The following CNTNAP2 variants were observed in gnomAD, a reference collection of about 807,000 sequenced individuals.
The protein encoded by CNTNAP2 is contactin-associated protein-like 2.
Under a neutral mutation model 155.2 loss-of-function variants are expected in CNTNAP2, and 98 were observed. That is an observed-to-expected ratio of 0.63 (90% CI 0.54 to 0.75). The LOEUF (loss-of-function observed/expected upper bound fraction) is 0.75. Ranked by LOEUF, CNTNAP2 falls within the 30% of genes least tolerant of loss-of-function variation. The probability of loss-of-function intolerance (pLI) is 0.00; values close to 1 mark genes in which losing one functional copy is unlikely to be tolerated. For missense variants in CNTNAP2, 1,727 were observed against 1,688.1 expected, an observed-to-expected ratio of 1.02 and a Z score of -0.40; for synonymous variants, 651 against 631.2, an observed-to-expected ratio of 1.03 and a Z score of -0.47.
At chr7:146,352,806 G>T (rs1218510221) in intron 1 of CNTNAP2, among the ~76,000 whole-genome samples, 1 of 127,920 alleles carries the variant, frequency 7.8e-6, no homozygotes, top group Non-Finnish European at 1.5e-5. Context: ...CCAGGCTGGA[G>T]TTCAGTGGTG....
intron 3 of CNTNAP2, among the ~76,000 whole-genome samples, chr7:146,951,258 G>A (rs928329793): frequency 6.6e-6 from 1 of 152,122 alleles, no homozygotes; most frequent in Admixed American, 6.6e-5. Flanking sequence ...TGTTCACTCT[G>A]ATGATAGTTT....
chr7:148,100,133 G>C (rs1804065932), intron 15 of CNTNAP2, among the ~76,000 whole-genome samples: 1 of 151,804 alleles, frequency 6.6e-6, no homozygotes, highest in Non-Finnish European at 1.5e-5. Context: ...GCCTCCCAAA[G>C]TGCTGGGATT....
intron 14 of CNTNAP2, among the ~76,000 whole-genome samples, chr7:147,962,753 T>C (rs922823408): frequency 6.6e-6 from 1 of 152,206 alleles, no homozygotes; most frequent in Non-Finnish European, 1.5e-5. Context: ...TATAGTCCAT[T>C]AATTTGTTTA....
chr7:146,630,315 A>G (rs1011631975), intron 1 of CNTNAP2, among the ~76,000 whole-genome samples: 3 of 152,036 alleles, frequency 2.0e-5, no homozygotes, highest in African/African-American at 7.2e-5. Flanking sequence ...ACATGAACTC[A>G]TCCTTTTTTA....
intron 12 of CNTNAP2, among the ~76,000 whole-genome samples, chr7:147,583,275 CA>C (rs1362609731): frequency 2.0e-5 from 3 of 151,910 alleles, no homozygotes; most frequent in Non-Finnish European, 2.9e-5. Flanking sequence ...GGCTTAGAAT[CA>C]GCATGAAAGG....
chr7:147,666,845 G>A (rs1022706191), intron 13 of CNTNAP2, among the ~76,000 whole-genome samples: 2 of 152,184 alleles, frequency 1.3e-5, no homozygotes, highest in Admixed American at 6.5e-5. Context: ...AGTCAGGTCT[G>A]TCCCATTCCA....
intron 12 of CNTNAP2, among the ~76,000 whole-genome samples, chr7:147,567,332 G>C (rs1050167858): frequency 2.0e-5 from 3 of 152,160 alleles, no homozygotes; most frequent in Non-Finnish European, 4.4e-5. Context: ...CTTTGTGTAG[G>C]ATGCAAAGCA....
At chr7:148,249,058 G>T (rs1451599473) in intron 20 of CNTNAP2, among the ~76,000 whole-genome samples, 1 of 152,084 alleles carries the variant, frequency 6.6e-6, no homozygotes, top group Non-Finnish European at 1.5e-5. Flanking sequence ...TTTTAAAATT[G>T]GATTGTTTGC....
intron 8 of CNTNAP2, among the ~76,000 whole-genome samples, chr7:147,181,895 G>A (rs141764657): frequency 0.036 from 5,455 of 152,126 alleles, 140 homozygotes; most frequent in Non-Finnish European, 0.057. Context: ...GGGAGGCCGA[G>A]GTGGGTGGAT....
At chr7:148,324,873 A>T (rs1046028293) in intron 21 of CNTNAP2, among the ~76,000 whole-genome samples, 3 of 151,988 alleles carry the variant, frequency 2.0e-5, no homozygotes, top group Admixed American at 6.6e-5. Flanking sequence ...TGTCAGACAC[A>T]TAGGACATGT....
At chr7:146,415,674 C>G (rs950765501) in intron 1 of CNTNAP2, among the ~76,000 whole-genome samples, 2 of 151,792 alleles carry the variant, frequency 1.3e-5, no homozygotes, top group Admixed American at 1.3e-4. Context: ...ATCTCTACAT[C>G]TTATCTTCCT....
intron 16 of CNTNAP2, among the ~76,000 whole-genome samples, chr7:148,138,052 C>T (rs1804995092): frequency 6.6e-6 from 1 of 152,160 alleles, no homozygotes; most frequent in Non-Finnish European, 1.5e-5. Flanking sequence ...AAAAATACTA[C>T]CTGTGATACA....
intron 1 of CNTNAP2, among the ~76,000 whole-genome samples, chr7:146,711,762 CATATATAGTATACACATCTTATGTATACA>C (rs1801079606): frequency 7.1e-6 from 1 of 140,134 alleles, no homozygotes; most frequent in Non-Finnish European, 1.6e-5. Context: ...CTTATGTATA[CATATATAGTATACACATCTTATGTATACA>C]TATATAGTAT....
intron 8 of CNTNAP2, among the ~76,000 whole-genome samples, chr7:147,169,855 G>A (rs1245704287): frequency 6.6e-6 from 1 of 152,080 alleles, no homozygotes; most frequent in Admixed American, 6.6e-5. Flanking sequence ...GGATTGCTTG[G>A]TTTCCTTGAA....
chr7:148,176,654 G>C (rs535260926), intron 18 of CNTNAP2, among the ~76,000 whole-genome samples: 11 of 152,188 alleles, frequency 7.2e-5, no homozygotes, highest in Non-Finnish European at 1.3e-4. Context: ...CAAGGGCGTT[G>C]TGGAAACCCT....
At chr7:147,467,687 C>T (rs529838487) in intron 10 of CNTNAP2, among the ~76,000 whole-genome samples, 64 of 152,220 alleles carry the variant, frequency 4.2e-4, no homozygotes, top group African/African-American at 1.3e-3. Context: ...ATGACTGACA[C>T]GATATTATAT....
At chr7:146,799,138 T>G (rs1041177603) in intron 2 of CNTNAP2, among the ~76,000 whole-genome samples, 3 of 152,246 alleles carry the variant, frequency 2.0e-5, no homozygotes, top group Non-Finnish European at 4.4e-5. Context: ...CCTCTCCTTG[T>G]ATGAAATTAA....
At position 147,222,371 on chromosome 7, in the gene CNTNAP2, A is replaced by G. The variant is rs571055952; in HGVS notation, c.1349-77770A>G. 4.6e-5 allele frequency among the ~76,000 whole-genome samples: 7 copies of G among 152,224 alleles called. No individual in the cohort carries two copies. In the East Asian group the frequency reaches 7.7e-4, roughly 17 times the overall value. On this transcript the variant is annotated intron_variant, in intron 8 of 23. Transcript: ENST00000361727. ...CTGGACCATATTCAGTATACTGTTA[A>G]CCACATCAAAGTTACTTTTATTTCT...
chr7:146,686,434 A>T (rs1189076815), intron 1 of CNTNAP2, among the ~76,000 whole-genome samples: 1 of 152,136 alleles, frequency 6.6e-6, no homozygotes. Flanking sequence ...CTCTTCCAGA[A>T]TTTCCTTCTC....
Sources: gnomAD v4.1 joint callset for allele counts (sites outside exome capture counted in the v4.1 genomes callset) on GRCh38, gnomAD v4.1.1 for gene constraint, MANE v1.5 for transcripts, NCBI Gene and HGNC (gene_info 2026-07-23, HGNC 2026-07-21) for gene names.